The following DAB1 variants were observed in gnomAD, a reference collection of about 807,000 sequenced individuals.
The protein encoded by DAB1 is DAB adaptor protein 1.
A neutral mutation model predicts 64.6 loss-of-function variants in DAB1; 15 were observed. The observed-to-expected ratio is 0.23, with a 90% confidence interval of 0.16 to 0.36. DAB1 has a LOEUF of 0.36. Ranked by LOEUF, DAB1 falls within the 10% of genes least tolerant of loss-of-function variation. DAB1 has a pLI of 1.00. For missense variants in DAB1, 596 were observed against 706.7 expected (o/e 0.84, Z 1.78); for synonymous variants, 235 against 251.9 (o/e 0.93, Z 0.64).
At chr1:58,227,676 A>G (rs1485774062) in intron 4 of DAB1, among the ~76,000 whole-genome samples, 2 of 152,166 alleles carry the variant, frequency 1.3e-5, no homozygotes, top group Non-Finnish European at 2.9e-5. Context: ...CATACCTCAC[A>G]TAAGGCCTCC....
chr1:58,094,070 C>T (rs186225391), intron 5 of DAB1, among the ~76,000 whole-genome samples: 21 of 152,300 alleles, frequency 1.4e-4, no homozygotes, highest in African/African-American at 4.8e-4. Flanking sequence ...GCAGCACCAC[C>T]AGCAGCTCTG....
intron 6 of DAB1, among the ~76,000 whole-genome samples, chr1:57,655,367 T>C (rs1189986458): frequency 6.6e-6 from 1 of 151,926 alleles, no homozygotes; most frequent in East Asian, 1.9e-4. Flanking sequence ...CATCTAACCA[T>C]CCATCATCCA....
At chr1:57,379,479 G>T (rs1396373789) in intron 1 of DAB1, among the ~76,000 whole-genome samples, 1 of 152,130 alleles carries the variant, frequency 6.6e-6, no homozygotes, top group Non-Finnish European at 1.5e-5. Context: ...CAGCTCACAG[G>T]CAGGTTTGCT....
At chr1:57,018,468 G>T (rs1426688793) in intron 11 of DAB1, among the ~76,000 whole-genome samples, 4 of 152,204 alleles carry the variant, frequency 2.6e-5, no homozygotes, top group Admixed American at 2.0e-4. Context: ...TTATACTACA[G>T]TTAGAGAATT....
rs1570487652 is a variant in DAB1, at chr1:57,010,603, G to A, written c.*15+77C>T. ...ACATGGTGCAAACATTGAGGATGTG[G>A]CTTCAGAAGTGAAGAACAACCAAAA... On this transcript the variant is annotated intron_variant, in intron 14 of 14. Transcript: ENST00000371236. 3 of 709,280 alleles carry A rather than the reference G, an allele frequency of 4.2e-6. No homozygotes were observed. In the East Asian group the frequency reaches 8.5e-5, roughly 20 times the overall value. 43.9% of individuals were successfully genotyped at this position (709,280 alleles called of 1,614,324 possible). A position where few individuals can be genotyped will look rare whatever the true frequency, so the allele number is the denominator to read the frequency against.
At chr1:57,351,376 C>A (rs568027700) in intron 1 of DAB1, among the ~76,000 whole-genome samples, 1 of 152,264 alleles carries the variant, frequency 6.6e-6, no homozygotes, top group African/African-American at 2.4e-5. Flanking sequence ...AAAGGCATGT[C>A]TTCGACCTTC....
intron 5 of DAB1, among the ~76,000 whole-genome samples, chr1:57,924,437 G>A (rs1056562219): frequency 7.9e-5 from 12 of 151,984 alleles, no homozygotes; most frequent in African/African-American, 2.7e-4. Flanking sequence ...TTCTCACTGG[G>A]GGACCAGGGA....
At chr1:58,065,406 A>T (rs1332105879) in intron 5 of DAB1, among the ~76,000 whole-genome samples, 1 of 152,228 alleles carries the variant, frequency 6.6e-6, no homozygotes, top group Non-Finnish European at 1.5e-5. Context: ...ACTATAGTCA[A>T]CATGCCATAC....
intron 7 of DAB1, among the ~76,000 whole-genome samples, chr1:57,575,911 C>T (rs116328028): frequency 0.029 from 4,444 of 152,200 alleles, 243 homozygotes; most frequent in African/African-American, 0.1. Flanking sequence ...GGTGGCATTA[C>T]GGCTTGAATT....
At chr1:58,119,436 G>A (rs1003213644) in intron 5 of DAB1, among the ~76,000 whole-genome samples, 3 of 152,110 alleles carry the variant, frequency 2.0e-5, no homozygotes, top group African/African-American at 7.2e-5. Context: ...CCAGCAGGGG[G>A]TATTATGTAA....
chr1:58,361,859 C>A (rs1405065734), intron 3 of DAB1, among the ~76,000 whole-genome samples: 1 of 103,876 alleles, frequency 9.6e-6, no homozygotes, highest in Non-Finnish European at 2.1e-5. Context: ...CATCAAAGAT[C>A]CCCCTTTTTT....
Position 57,439,418 on chromosome 1 carries a change from G to GTTTTTTGTTTTTTTTTTTT in DAB1, n.626-148253_626-148252insAAAAAAAAAAAACAAAAAA. On this transcript the variant is annotated intron_variant and non_coding_transcript_variant, in intron 7 of 20. Transcript: ENST00000485760. ...GCCATGCCATCAACTTGGTGATGAG[G>GTTTTTTGTTTTTTTTTTTT]TTTTTTCTTTTTTTTTTTTTTTTTT... 1.7e-5 allele frequency among the ~76,000 whole-genome samples: 2 copies of GTTTTTTGTTTTTTTTTTTT among 116,138 alleles called. 1 individual carries two copies. The highest frequency in any genetic ancestry group is 3.4e-5 in the Non-Finnish European group (2 of 58,904). The allele number at this position is 116,138 out of a possible 152,430, so 76.2% of individuals were successfully genotyped here.
intron 4 of DAB1, among the ~76,000 whole-genome samples, chr1:58,281,086 A>G (rs752216894): frequency 1.1e-4 from 17 of 152,166 alleles, no homozygotes; most frequent in Non-Finnish European, 1.9e-4. Flanking sequence ...AGCAAGAAGG[A>G]AACTCCTTTG....
intron 5 of DAB1, among the ~76,000 whole-genome samples, chr1:57,948,059 G>C (rs1645209937): frequency 1.3e-5 from 2 of 151,990 alleles, no homozygotes; most frequent in South Asian, 2.1e-4. Flanking sequence ...GTCCCTCTCT[G>C]CTCTACAACT....
chr1:58,270,610 G>T (rs1158068891), intron 4 of DAB1, among the ~76,000 whole-genome samples: 1 of 40,424 alleles, frequency 2.5e-5, no homozygotes, highest in Non-Finnish European at 5.5e-5. Context: ...AAATTACCTT[G>T]GGCAGTATGG....
chr1:57,536,465 A>G (rs1265991795), intron 7 of DAB1, among the ~76,000 whole-genome samples: 1 of 152,208 alleles, frequency 6.6e-6, no homozygotes, highest in African/African-American at 2.4e-5. Context: ...GCATATGCTC[A>G]GCAGATTCTT....
chr1:57,904,976 G>A lies in DAB1; in HGVS notation n.388-20814C>T, dbSNP rs550201566. ...CCAACTGCTCCATGAAAGGATGTAT[G>A]GTAATTATAGCTAATGATAATAGCT... is the stretch of plus-strand genomic sequence containing the variant. On this transcript the variant is annotated intron_variant and non_coding_transcript_variant, in intron 5 of 20. Transcript: ENST00000485760. 3.9e-5 allele frequency among the ~76,000 whole-genome samples: 6 copies of A among 152,132 alleles called. No homozygotes were observed. The South Asian group carries it at 8.3e-4, about 21-fold the overall frequency.
At chr1:57,215,933 G>A (rs948068417) in intron 2 of DAB1, among the ~76,000 whole-genome samples, 10 of 152,186 alleles carry the variant, frequency 6.6e-5, no homozygotes, top group African/African-American at 2.2e-4. Flanking sequence ...AAAGGACTCC[G>A]TGGGAGACCC....
chr1:57,741,148 G>C (rs1462192922), intron 6 of DAB1, among the ~76,000 whole-genome samples: 1 of 152,134 alleles, frequency 6.6e-6, no homozygotes, highest in Non-Finnish European at 1.5e-5. Flanking sequence ...GTCATGCTGA[G>C]TGCTCCTTGG....
Sources: gnomAD v4.1 joint callset for allele counts (sites outside exome capture counted in the v4.1 genomes callset) on GRCh38, gnomAD v4.1.1 for gene constraint, MANE v1.5 for transcripts, NCBI Gene and HGNC (gene_info 2026-07-23, HGNC 2026-07-21) for gene names.